The following GPHN variants were observed in gnomAD, a reference collection of about 807,000 sequenced individuals.
GPHN encodes gephyrin.
A neutral mutation model predicts 95.5 loss-of-function variants in GPHN; 17 were observed. The ratio of observed to expected loss-of-function variants is 0.18; its 90% CI spans 0.12 to 0.27. The LOEUF is 0.27. Among genes scored for constraint, GPHN ranks in the 10% least tolerant of loss-of-function variants. The pLI is 1.00. For missense variants in GPHN, 660 were observed against 978.1 expected (o/e 0.67, Z 4.34); for synonymous variants, 320 against 322.5 (o/e 0.99, Z 0.08).
chr14:67,059,051 C>G (rs2075721555), intron 11 of GPHN: 2 of 551,478 alleles, frequency 3.6e-6, no homozygotes, highest in Non-Finnish European at 6.3e-6. Flanking sequence ...AGCTGTGTTT[C>G]TGCTGTCCAT....
At chr14:66,916,481 T>C (rs1442643101) in intron 6 of GPHN, among the ~76,000 whole-genome samples, 8 of 150,922 alleles carry the variant, frequency 5.3e-5, no homozygotes, top group Non-Finnish European at 8.9e-5. Context: ...GTCCAGAGTT[T>C]TTTTTTTTTT....
the GPHN span, among the ~76,000 whole-genome samples, chr14:67,637,720 T>C: frequency 6.6e-6 from 1 of 152,230 alleles, no homozygotes; most frequent in East Asian, 1.9e-4. Context: ...AGTTATGTAA[T>C]TAACTAGAAT....
chr14:67,419,348 A>G, the GPHN span, among the ~76,000 whole-genome samples: 1 of 152,154 alleles, frequency 6.6e-6, no homozygotes, highest in Non-Finnish European at 1.5e-5. Context: ...TCCAGGCCTC[A>G]GGGGCTCCCA....
At chr14:67,549,086 A>G in the GPHN span, among the ~76,000 whole-genome samples, 1 of 152,152 alleles carries the variant, frequency 6.6e-6, no homozygotes, top group African/African-American at 2.4e-5. Context: ...TGACAAGGCC[A>G]GGTACCATAA....
At chr14:66,649,398 G>T (rs1216670709) in intron 1 of GPHN, among the ~76,000 whole-genome samples, 1 of 151,786 alleles carries the variant, frequency 6.6e-6, no homozygotes. Context: ...GTAGCAGTCC[G>T]TGACCTGTTG....
the GPHN span, among the ~76,000 whole-genome samples, chr14:67,704,939 A>G: frequency 3.6e-4 from 55 of 152,334 alleles, 1 homozygote; most frequent in African/African-American, 1.2e-3. Context: ...CAGGAACACA[A>G]TGGATTTTGT....
chr14:66,512,637 T>G (rs1356000718), intron 1 of GPHN, among the ~76,000 whole-genome samples: 1 of 151,788 alleles, frequency 6.6e-6, no homozygotes, highest in African/African-American at 2.4e-5. Context: ...TAAGACTAGG[T>G]ACTAGAGATT....
At chr14:67,058,838 A>G (rs778782099) in intron 11 of GPHN, 52 bp downstream of exon 11, 1 of 1,473,394 alleles carries the variant, frequency 6.8e-7, no homozygotes, top group Non-Finnish European at 9.5e-7. Context: ...TTTTCCAAAT[A>G]AGATTCATGT....
At chr14:67,531,547 A>G in the GPHN span, among the ~76,000 whole-genome samples, 15 of 152,066 alleles carry the variant, frequency 9.9e-5, no homozygotes, top group African/African-American at 3.1e-4. Flanking sequence ...GTAACCAGCT[A>G]TAGGGGAGAG....
intron 1 of GPHN, among the ~76,000 whole-genome samples, chr14:66,586,486 T>C (rs1296525059): frequency 6.6e-6 from 1 of 152,114 alleles, no homozygotes; most frequent in Non-Finnish European, 1.5e-5. Flanking sequence ...CTAGCCTTGA[T>C]GGTCTTTACA....
the GPHN span, among the ~76,000 whole-genome samples, chr14:67,433,391 T>C: frequency 6.6e-6 from 1 of 152,130 alleles, no homozygotes; most frequent in African/African-American, 2.4e-5. Flanking sequence ...AAAAATTTAG[T>C]GGTTCAGAAT....
chr14:66,865,574 T>A (rs2063192844), intron 4 of GPHN, among the ~76,000 whole-genome samples: 1 of 152,184 alleles, frequency 6.6e-6, no homozygotes, highest in Non-Finnish European at 1.5e-5. Flanking sequence ...TTCTGTGCTT[T>A]CTTAGAAGCA....
the GPHN span, among the ~76,000 whole-genome samples, chr14:67,661,928 G>A: frequency 9.9e-5 from 15 of 151,968 alleles, no homozygotes; most frequent in Admixed American, 5.9e-4. Flanking sequence ...AGGCCGAGGC[G>A]GGCAGATCAT....
chr14:66,980,843 G>T (rs908696433), intron 9 of GPHN, among the ~76,000 whole-genome samples: 1 of 152,178 alleles, frequency 6.6e-6, no homozygotes, highest in African/African-American at 2.4e-5. Context: ...CTGAGGTCGG[G>T]AGTTTGAGAC....
chr14:67,173,799 C>A (rs1292302028), intron 21 of GPHN, among the ~76,000 whole-genome samples: 1 of 151,716 alleles, frequency 6.6e-6, no homozygotes, highest in Admixed American at 6.6e-5. Flanking sequence ...TATATACAGA[C>A]AAGTCAACAG....
chr14:67,348,938 G>T, the GPHN span: 1 of 1,138,074 alleles, frequency 8.8e-7, no homozygotes, highest in Admixed American at 2.3e-5. Context: ...TAAGTAGAAG[G>T]AAGAAACTAG....
chr14:67,031,558 A>G (rs551723635), intron 10 of GPHN, among the ~76,000 whole-genome samples: 1 of 152,098 alleles, frequency 6.6e-6, no homozygotes, highest in African/African-American at 2.4e-5. Flanking sequence ...AACTTATTCA[A>G]TTTTCCTTGC....
chr14:66,581,440 A>G (rs1015524163), intron 1 of GPHN, among the ~76,000 whole-genome samples: 21 of 151,946 alleles, frequency 1.4e-4, no homozygotes, highest in African/African-American at 5.1e-4. Flanking sequence ...AGAGCATAGC[A>G]CTAGAGAAAA....
At chr14:66,945,424 G>A (rs758275258) in intron 8 of GPHN, among the ~76,000 whole-genome samples, 2 of 152,184 alleles carry the variant, frequency 1.3e-5, no homozygotes, top group Non-Finnish European at 2.9e-5. Flanking sequence ...CTATCAGTAT[G>A]AGGATACAAA....
Sources: allele counts gnomAD v4.1 joint callset (sites outside exome capture counted in the v4.1 genomes callset), GRCh38; gene constraint gnomAD v4.1.1; transcripts MANE v1.5; gene names NCBI Gene and HGNC (gene_info 2026-07-23, HGNC 2026-07-21).